Variants in ONECUT2 observed in about 807,000 individuals in gnomAD.
The protein encoded by ONECUT2 is one cut domain family member 2.
In ONECUT2, 10 loss-of-function variants were observed where a neutral mutation model predicts 27.9. That is an observed-to-expected ratio of 0.36 (90% CI 0.22 to 0.61). The LOEUF (loss-of-function observed/expected upper bound fraction) is 0.61. ONECUT2 is among the 20% of genes least tolerant of loss of function. ONECUT2 has a pLI of 0.73. For synonymous variants in ONECUT2, 334 were observed against 315.1 expected (o/e 1.06, Z -0.64); for missense variants, 686 against 721.0 (o/e 0.95, Z 0.56).
intron 1 of ONECUT2, among the ~76,000 whole-genome samples, chr18:57,439,500 G>T (rs1270989012): frequency 6.6e-6 from 1 of 152,252 alleles, no homozygotes; most frequent in African/African-American, 2.4e-5. Context: ...GTGTTGAGTG[G>T]TTATTATTAC....
intron 1 of ONECUT2, among the ~76,000 whole-genome samples, chr18:57,451,950 C>G (rs972205941): frequency 1.3e-4 from 19 of 151,806 alleles, no homozygotes; most frequent in Non-Finnish European, 2.6e-4. Flanking sequence ...ATGGGGGGGG[C>G]GGTGTTGGTG....
chr18:57,436,043 C>A lies in ONECUT2; in HGVS notation c.327C>A (p.Ser109Arg). The change falls in exon 1 of 2, where the codon AGC becomes AGA. Residue 109 changes from serine to arginine, a missense_variant. By Grantham distance (110) the Ser-to-Arg change is moderately radical. Around this residue, in one of 4 missense-constraint regions of ONECUT2, gnomAD observed 511 missense variants for 488.1 expected, o/e 1.05. Coordinates refer to ENST00000491143, the MANE Select transcript of ONECUT2 (RefSeq NM_004852.3). The surrounding 1 kb of genome is among the most constrained non-coding windows in gnomAD (Gnocchi z 5.9). Reference sequence around the variant, plus strand: ...CGTCGCGCTCGGCCATGGTCACCAGCATGGCCTCGATCCTGGACGGCGGCG... The same window carrying A: ...CGTCGCGCTCGGCCATGGTCACCAGAATGGCCTCGATCCTGGACGGCGGCG... ...AAASRSAMVT[S>R]MASILDGGDY... 6.3e-7 allele frequency: 1 copy of A among 1,585,044 alleles called. No homozygotes were observed. Among genetic ancestry groups the A allele is most frequent in the Non-Finnish European group, 8.5e-7 (1 of 1,171,528 alleles).
Position 57,436,915 on chromosome 18 carries a change from T to A in ONECUT2, c.1199T>A (p.Phe400Tyr). 2 of 1,610,250 alleles carry A rather than the reference T, an allele frequency of 1.2e-6. No homozygotes were observed. The highest frequency in any genetic ancestry group is 1.7e-6 in the Non-Finnish European group (2 of 1,178,568). ...RMWKWLQEPE[F>Y]QRMSALRLAA... is the part of the protein sequence containing the mutation. The stretch of plus-strand genomic sequence containing the variant: ...TGGAAGTGGCTTCAGGAGCCCGAGT[T>A]CCAGCGCATGTCCGCCTTACGCCTG... Residue 400 changes from phenylalanine (F) to tyrosine (Y), a missense_variant, in exon 1 of 2, where the codon TTC becomes TAC. Physicochemically the swap from Phe to Tyr is conservative, Grantham distance 22 (BLOSUM62 3). This residue lies in a region of ONECUT2 where 51 missense variants were observed against 41.3 expected (regional missense o/e 1.23). Coordinates refer to ENST00000491143, the MANE Select transcript of ONECUT2 (RefSeq NM_004852.3). The surrounding 1 kb of genome is among the most constrained non-coding windows in gnomAD (Gnocchi z 5.9).
chr18:57,442,244 G>GTTTTT lies in ONECUT2; in HGVS notation c.1228+5314_1228+5318dup, dbSNP rs796717767. ...GTAGGATGAGAACTAATTCTTCTGG[G>GTTTTT]TTTTTTTTTTTTTTTTTTGAAATTA... On this transcript the variant is annotated intron_variant, in intron 1 of 1. Coordinates refer to ENST00000491143, the MANE Select transcript of ONECUT2 (RefSeq NM_004852.3). Among the ~76,000 whole-genome samples the GTTTTT allele has an allele frequency of 1.4e-3, 152 of 112,120 alleles. 2 individuals are homozygous for GTTTTT. The highest frequency in any genetic ancestry group is 4.2e-3 in the African/African-American group (149 of 35,268). The allele number at this position is 112,120 out of a possible 152,430, so 73.6% of individuals were successfully genotyped here. A position where few individuals can be genotyped will look rare whatever the true frequency, so the allele number is the denominator to read the frequency against.
chr18:57,468,766 C>G (rs770456385), intron 1 of ONECUT2, among the ~76,000 whole-genome samples: 17 of 152,196 alleles, frequency 1.1e-4, no homozygotes, highest in Non-Finnish European at 2.4e-4. Flanking sequence ...CTGAGATTTA[C>G]CAGCATTTAT....
chr18:57,462,709 A>G (rs922832741), intron 1 of ONECUT2, among the ~76,000 whole-genome samples: 1 of 130,396 alleles, frequency 7.7e-6, no homozygotes, highest in East Asian at 2.2e-4. Flanking sequence ...GAATTACCCT[A>G]TGTTATTTTC....
chr18:57,438,634 G>C (rs1213561216), intron 1 of ONECUT2, among the ~76,000 whole-genome samples: 1 of 152,228 alleles, frequency 6.6e-6, no homozygotes, highest in Non-Finnish European at 1.5e-5. Flanking sequence ...CCTATTCCCA[G>C]TCGGTAATCG....
chr18:57,464,252 C>A (rs2050308236), intron 1 of ONECUT2, among the ~76,000 whole-genome samples: 1 of 152,128 alleles, frequency 6.6e-6, no homozygotes, highest in Admixed American at 6.5e-5. Flanking sequence ...GAGCACTCAA[C>A]TTATGTAAGC....
rs1295371156 is a variant in ONECUT2 at position 57,488,597 on chromosome 18, A to G, written c.*11874A>G. On this transcript the variant is annotated 3_prime_UTR_variant, in exon 2 of 2. Transcript: ENST00000491143. ...TTCTTTTAACATTGTGGAAAGTGGT[A>G]TGTTGAATCAAGTGTAAGCTGAGTT... 6.6e-6 allele frequency: 1 copy of G among 152,640 alleles called. No individual in the cohort carries two copies. The highest frequency in any genetic ancestry group is 1.5e-5 in the Non-Finnish European group (1 of 68,048). The allele number at this position is 152,640 out of a possible 1,614,324, so 9.5% of individuals were successfully genotyped here.
intron 1 of ONECUT2, among the ~76,000 whole-genome samples, chr18:57,454,397 A>G (rs1219988055): frequency 6.6e-6 from 1 of 152,186 alleles, no homozygotes; most frequent in Admixed American, 6.5e-5. Flanking sequence ...GGCATTGTCA[A>G]TGACAGCATG....
chr18:57,454,834 C>T (rs2050250041), intron 1 of ONECUT2, among the ~76,000 whole-genome samples: 1 of 152,158 alleles, frequency 6.6e-6, no homozygotes, highest in Non-Finnish European at 1.5e-5. Context: ...TTGCTAAGCT[C>T]GTGCTTAGAA....
chr18:57,473,122 C>T (rs1184206923), intron 1 of ONECUT2, among the ~76,000 whole-genome samples: 2 of 152,186 alleles, frequency 1.3e-5, no homozygotes, highest in Admixed American at 6.5e-5. Context: ...GATTCCAGAA[C>T]CTTGCCCCAC....
chr18:57,440,425 C>G (rs528079792), intron 1 of ONECUT2, among the ~76,000 whole-genome samples: 2 of 152,360 alleles, frequency 1.3e-5, no homozygotes, highest in Non-Finnish European at 2.9e-5. Context: ...GCCGAGCGCC[C>G]GACTACATTT....
chr18:57,471,745 C>G (rs988946643), intron 1 of ONECUT2, among the ~76,000 whole-genome samples: 2 of 152,160 alleles, frequency 1.3e-5, no homozygotes, highest in African/African-American at 4.8e-5. Context: ...CAATCTGAGT[C>G]AATATTATTT....
In ONECUT2 at chr18:57,467,261, C is replaced by A. The variant is rs923265078; in HGVS notation, c.1229-9176C>A. 3.6e-5 allele frequency: 16 copies of A among 441,076 alleles called. No homozygotes were observed. The Admixed American group carries it at 3.9e-4, about 11-fold the overall frequency. 27.3% of individuals were successfully genotyped at this position (441,076 alleles called of 1,614,324 possible). On this transcript the variant is annotated intron_variant, in intron 1 of 1. Coordinates refer to ENST00000491143, the MANE Select transcript of ONECUT2 (RefSeq NM_004852.3). ...GGAGTTGCTCTAGCGCTTGTCAAGA[C>A]CAGCTTCGACATCCAAGTGAAAGCA...
chr18:57,442,242 GGGT>G (rs1223296403), intron 1 of ONECUT2, among the ~76,000 whole-genome samples: 8 of 98,566 alleles, frequency 8.1e-5, no homozygotes, highest in African/African-American at 5.8e-4. Flanking sequence ...TAATTCTTCT[GGGT>G]TTTTTTTTTT....
rs773333871 is a variant in ONECUT2 at position 57,489,773 on chromosome 18, G to A, written c.*13050G>A. 1 of 152,044 alleles carries A rather than the reference G, an allele frequency of 6.6e-6. No individual in the cohort carries two copies. The highest frequency in any genetic ancestry group is 2.4e-5 in the African/African-American group (1 of 41,386). The allele number at this position is 152,044 out of a possible 1,614,324, so 9.4% of individuals were successfully genotyped here. On this transcript the variant is annotated 3_prime_UTR_variant, in exon 2 of 2. Coordinates refer to ENST00000491143, the MANE Select transcript of ONECUT2 (RefSeq NM_004852.3). ...GTTTTGTGTTACACAAGTCCAAGTG[G>A]TGCCAGCAAACTTCTTACCGTGAAA...
intron 1 of ONECUT2, among the ~76,000 whole-genome samples, chr18:57,469,154 A>G (rs1375205094): frequency 2.0e-5 from 3 of 152,190 alleles, no homozygotes; most frequent in Non-Finnish European, 4.4e-5. Flanking sequence ...TGCAGGCCCT[A>G]TGTCCTCCCG....
At position 57,435,998 on chromosome 18, in the gene ONECUT2, G is replaced by A. The variant is rs757724747; in HGVS notation, c.282G>A (p.Ala94=). ...CCGCGCACCAGGAGCTGGGCACGGCGGCAGCGGCGGCAGCGGCGGCGTCGC... is the reference window on the plus strand; with the variant it reads ...CCGCGCACCAGGAGCTGGGCACGGCAGCAGCGGCGGCAGCGGCGGCGTCGC... ...PPTAHQELGT[A]AAAAAAASRS... is the part of the protein sequence containing the mutation. The change falls in exon 1 of 2, where the codon GCG becomes GCA. Residue 94 remains alanine (A), a synonymous_variant. Coordinates refer to ENST00000491143, the MANE Select transcript of ONECUT2 (RefSeq NM_004852.3). The A allele has an allele frequency of 4.0e-6, 6 of 1,487,518 alleles. No homozygotes were observed. The highest frequency in any genetic ancestry group is 4.5e-6 in the Non-Finnish European group (5 of 1,121,906). 92.1% of individuals were successfully genotyped at this position (1,487,518 alleles called of 1,614,324 possible).
Sources: allele counts gnomAD v4.1 joint callset (sites outside exome capture counted in the v4.1 genomes callset), GRCh38; gene constraint gnomAD v4.1.1; regional missense constraint gnomAD v4.1.1; non-coding constraint Gnocchi (gnomAD v3.1); transcripts MANE v1.5; gene names NCBI Gene and HGNC (gene_info 2026-07-23, HGNC 2026-07-21).